FHL1: variants seen among roughly 807,000 people sequenced by gnomAD.
FHL1 encodes four and a half LIM domains 1.
Under a neutral mutation model 20.3 loss-of-function variants are expected in FHL1, and 1 was observed. The observed-to-expected ratio is 0.05, with a 90% confidence interval of 0.02 to 0.23. The LOEUF (loss-of-function observed/expected upper bound fraction) is 0.23, where lower values mean the gene tolerates loss of function less well. Among genes scored for constraint, FHL1 ranks in the 10% least tolerant of loss-of-function variants. The pLI is 1.00. For synonymous variants in FHL1, 82 were observed against 88.9 expected (o/e 0.92, Z 0.44); for missense variants, 177 against 234.0 (o/e 0.76, Z 1.59).
chrX:136,185,206 A>G (rs1297679984), intron 2 of FHL1, among the ~76,000 whole-genome samples: 5 of 112,564 alleles, frequency 4.4e-5, no homozygotes, highest in Admixed American at 9.4e-5. Flanking sequence ...CTGTTTCACA[A>G]TTCCTGAATT....
At chrX:136,148,381 G>A (rs1458196611) in intron 1 of FHL1, 2 of 96,553 alleles carry the variant, frequency 2.1e-5, no homozygotes, top group Non-Finnish European at 4.2e-5. Context: ...TCTGTCCAAG[G>A]GGGATGGCGC....
At chrX:136,186,771 T>TTGAGCCCGGGAGGCAGAGGTTGCAG (rs1349933280) in intron 2 of FHL1, among the ~76,000 whole-genome samples, 1 of 108,213 alleles carries the variant, frequency 9.2e-6, no homozygotes, top group African/African-American at 3.4e-5. Context: ...GGAGAATCGC[T>TTGAGCCCGGGAGGCAGAGGTTGCAG]TGAGCCCGGG....
chrX:136,181,859 CTCCA>C (rs1289960181), intron 2 of FHL1, among the ~76,000 whole-genome samples: 1 of 112,123 alleles, frequency 8.9e-6, no homozygotes, highest in Non-Finnish European at 1.9e-5. Context: ...CTATCCATCC[CTCCA>C]TCCATCAGTC....
intron 1 of FHL1, chrX:136,147,973 T>TC (rs1273171618): frequency 1.2e-5 from 1 of 80,413 alleles, no homozygotes; most frequent in Non-Finnish European, 2.3e-5. Context: ...ATGGGGGCTC[T>TC]CCATGTTTTC....
chrX:136,169,835 T>G (rs1182534419), intron 1 of FHL1: 1 of 331,478 alleles, frequency 3.0e-6, no homozygotes, highest in South Asian at 2.6e-5. Flanking sequence ...GACTTTATTT[T>G]TTTAGAATTC....
At chrX:136,156,541 C>G (rs1226775244) in intron 1 of FHL1, among the ~76,000 whole-genome samples, 2 of 111,512 alleles carry the variant, frequency 1.8e-5, no homozygotes, top group African/African-American at 6.5e-5. Context: ...CTCGGCCTCC[C>G]AAATTGCTGG....
chrX:136,201,321 G>A (rs1194770692), intron 1 of FHL1, among the ~76,000 whole-genome samples: 1 of 112,154 alleles, frequency 8.9e-6, no homozygotes, highest in Non-Finnish European at 1.9e-5. Context: ...CTTCTCTCCT[G>A]ATTCTTCCCT....
intron 2 of FHL1, among the ~76,000 whole-genome samples, chrX:136,180,752 A>G (rs144389841): frequency 6.7e-4 from 71 of 106,249 alleles, no homozygotes; most frequent in African/African-American, 2.1e-3. Context: ...TTTATTTATT[A>G]TTTTTTTGAG....
At chrX:136,206,924 G>T in intron 2 of FHL1, 92 bp from the exon 3 acceptor site, 1 of 993,436 alleles carries the variant, frequency 1.0e-6, no homozygotes. Flanking sequence ...CATCTCAGTG[G>T]TCAGTCCCAG....
chrX:136,201,591 A>G (rs558636128), intron 1 of FHL1, among the ~76,000 whole-genome samples: 2 of 110,712 alleles, frequency 1.8e-5, no homozygotes, highest in African/African-American at 6.6e-5. Context: ...TCTATTAGGG[A>G]CCGTGTTTCC....
At chrX:136,198,906 C>T (rs1302096757) in intron 1 of FHL1, among the ~76,000 whole-genome samples, 3 of 111,406 alleles carry the variant, frequency 2.7e-5, no homozygotes, top group Non-Finnish European at 3.8e-5. Flanking sequence ...CGCACAAGCC[C>T]GCCAGTCTTT....
At chrX:136,159,302 G>A (rs2072503724) in intron 1 of FHL1, among the ~76,000 whole-genome samples, 1 of 111,371 alleles carries the variant, frequency 9.0e-6, no homozygotes, top group Non-Finnish European at 1.9e-5. Flanking sequence ...AGCAATCTGG[G>A]AGGCTGAGGT....
chrX:136,151,033 C>G (rs1453941366), intron 1 of FHL1, among the ~76,000 whole-genome samples: 2 of 112,167 alleles, frequency 1.8e-5, no homozygotes, highest in Non-Finnish European at 3.8e-5. Context: ...AGTGGATAGT[C>G]CTAAATAGTA....
At chrX:136,182,239 C>A (rs1037696435) in intron 2 of FHL1, among the ~76,000 whole-genome samples, 2 of 111,813 alleles carry the variant, frequency 1.8e-5, no homozygotes, top group African/African-American at 6.5e-5. Flanking sequence ...TATAGAGAGG[C>A]AAGATCATCT....
intron 2 of FHL1, among the ~76,000 whole-genome samples, chrX:136,184,395 G>T (rs1207420124): frequency 9.0e-6 from 1 of 111,676 alleles, no homozygotes. Flanking sequence ...ATGCAGAGGA[G>T]TATGCTTTTG....
chrX:136,159,373 C>G (rs1387418674), intron 1 of FHL1, among the ~76,000 whole-genome samples: 1 of 110,183 alleles, frequency 9.1e-6, no homozygotes, highest in African/African-American at 3.3e-5. Context: ...GAAACCCTGT[C>G]TCTACTGAAA....
At chrX:136,158,902 A>G (rs1225751087) in intron 1 of FHL1, among the ~76,000 whole-genome samples, 1 of 111,677 alleles carries the variant, frequency 9.0e-6, no homozygotes, top group Non-Finnish European at 1.9e-5. Context: ...TAAAGATATT[A>G]AAGAACCCAT....
intron 1 of FHL1, among the ~76,000 whole-genome samples, chrX:136,155,521 A>G (rs1372115349): frequency 1.8e-5 from 2 of 112,045 alleles, no homozygotes; most frequent in African/African-American, 3.2e-5. Flanking sequence ...ATGGATACCT[A>G]TTGCCGAGGG....
upstream of FHL1, chrX:136,146,726 G>C: frequency 9.2e-6 from 3 of 325,817 alleles, no homozygotes; most frequent in South Asian, 8.0e-5. Context: ...GTTATCACCA[G>C]AGCCCGGCAC....
Sources: allele counts gnomAD v4.1 joint callset (sites outside exome capture counted in the v4.1 genomes callset), GRCh38; gene constraint gnomAD v4.1.1; transcripts MANE v1.5; gene names NCBI Gene and HGNC (gene_info 2026-07-23, HGNC 2026-07-21).